Variants in TRIM47 observed in about 807,000 individuals in gnomAD.
TRIM47 encodes the protein E3 ubiquitin-protein ligase TRIM47.
Under a neutral mutation model 54.4 loss-of-function variants are expected in TRIM47, and 46 were observed. That is an observed-to-expected ratio of 0.84 (90% confidence interval 0.67 to 1.08). The LOEUF is 1.08. Ranked by LOEUF, TRIM47 falls within the 50% of genes least tolerant of loss-of-function variation. The pLI is 0.00. For synonymous variants in TRIM47, 392 were observed against 410.2 expected (o/e 0.96, Z 0.54); for missense variants, 825 against 910.1 (o/e 0.91, Z 1.20).
intron 1 of TRIM47, chr17:75,877,628 G>A: frequency 8.3e-7 from 1 of 1,205,404 alleles, no homozygotes; most frequent in Non-Finnish European, 1.0e-6. Context: ...ACCCCGGCCC[G>A]GCTTCAGGTC....
Position 75,874,304 on chromosome 17 carries a change from G to A in TRIM47, c.*179C>T. ...GAAGTGAGGTCTGCAGGGGAACAGG[G>A]TCTGGGGGTCCTCCTGCCTGGGAGA... On this transcript the variant is annotated 3_prime_UTR_variant, in exon 6 of 6. Coordinates refer to ENST00000254816, the MANE Select transcript of TRIM47 (RefSeq NM_033452.3). This position sits in a 1 kb window ranked among gnomAD's most constrained non-coding sequence, Gnocchi z 6.2. 1 of 518,360 alleles carries A rather than the reference G, an allele frequency of 1.9e-6. No individual in the cohort carries two copies. 32.1% of individuals were successfully genotyped at this position (518,360 alleles called of 1,614,324 possible).
rs893936860 is a variant in TRIM47 at position 75,875,576 on chromosome 17, C to T, written c.1202-102G>A. On this transcript the variant is annotated intron_variant, in intron 4 of 5. Coordinates refer to ENST00000254816, the MANE Select transcript of TRIM47 (RefSeq NM_033452.3). This position sits in a 1 kb window ranked among gnomAD's most constrained non-coding sequence, Gnocchi z 6.1. ...TTCACTTCCTCCCAGAGTCCAGAGC[C>T]ACCAGGGAGCAAGCACCACCCAGAT... The T allele has an allele frequency of 1.1e-5, 12 of 1,072,324 alleles. No homozygotes were observed. In the African/African-American group the frequency reaches 1.9e-4, roughly 17 times the overall value. 66.4% of individuals were successfully genotyped at this position (1,072,324 alleles called of 1,614,324 possible).
rs745996198 is a variant in TRIM47, at chr17:75,874,911, C to A, written c.1489G>T (p.Val497Phe). 3.7e-6 allele frequency: 6 copies of A among 1,614,134 alleles called. No homozygotes were observed. The highest frequency in any genetic ancestry group is 5.1e-6 in the Non-Finnish European group (6 of 1,180,000). Residue 497 changes from valine to phenylalanine, a missense_variant, in exon 6 of 6, where the codon GTC becomes TTC. Coordinates refer to ENST00000254816, the MANE Select transcript of TRIM47 (RefSeq NM_033452.3). The surrounding 1 kb of genome is among the most constrained non-coding windows in gnomAD (Gnocchi z 6.2). ...TGTGGGGAGAAGTCTTCGGCCATGA[C>A]CCCCATGCTGACCCAGCCCTCGATA... ...EIIEGWVSMG[V>F]MAEDFSPQEP...
chr17:75,874,765 C>A lies in TRIM47; in HGVS notation c.1635G>T (p.Ser545=). 1 of 1,613,950 alleles carries A rather than the reference C, an allele frequency of 6.2e-7. No individual in the cohort carries two copies. The highest frequency in any genetic ancestry group is 8.5e-7 in the Non-Finnish European group (1 of 1,179,994). Residue 545 remains serine, a synonymous_variant, in exon 6 of 6, where the codon TCG becomes TCT. Coordinates refer to ENST00000254816, the MANE Select transcript of TRIM47 (RefSeq NM_033452.3). The surrounding 1 kb of genome is among the most constrained non-coding windows in gnomAD (Gnocchi z 6.2). The part of the protein sequence containing the change: ...GLEAPLPHPF[S]PTVGVCLEYA... ...ATTCCAGGCAGACCCCAACCGTGGG[C>A]GAGAAGGGGTGGGGCAGGGGAGCCT...
Position 75,875,048 on chromosome 17 carries a change from C to T in TRIM47, c.1352G>A (p.Arg451Lys), listed in dbSNP as rs1475340309. 3.7e-6 allele frequency: 6 copies of T among 1,613,164 alleles called. No individual in the cohort carries two copies. Among genetic ancestry groups the T allele is most frequent in the Non-Finnish European group, 5.1e-6 (6 of 1,179,196 alleles). Reference sequence around the variant, plus strand: ...GGGGTAGTTGATAGGACACAGCACCCTCTTGACACCTTTGGTTCCAAACAG... The same window carrying T: ...GGGGTAGTTGATAGGACACAGCACCTTCTTGACACCTTTGGTTCCAAACAG... ...LQLFGTKGVK[R>K]VLCPINYPLS... The change falls in exon 6 of 6, where the codon AGG becomes AAG. Residue 451 changes from arginine (R) to lysine (K), a missense_variant. Arg to Lys is a conservative substitution (Grantham distance 26). Coordinates refer to ENST00000254816, the MANE Select transcript of TRIM47 (RefSeq NM_033452.3). This position sits in a 1 kb window ranked among gnomAD's most constrained non-coding sequence, Gnocchi z 6.1.
At position 75,878,058 on chromosome 17, in the gene TRIM47, GC is replaced by G; in HGVS notation, c.490del (p.Ala164ProfsTer14). 7.3e-7 allele frequency: 1 copy of G among 1,374,846 alleles called. No individual in the cohort carries two copies. The highest frequency in any genetic ancestry group is 9.4e-7 in the Non-Finnish European group (1 of 1,068,532). 85.2% of individuals were successfully genotyped at this position (1,374,846 alleles called of 1,614,324 possible). ...CGGCACCAGGCGGTGTCCGCGGAGG[GC>G]GGGGCTGCGCTCGTGCGGGCCCAGG... is the stretch of plus-strand genomic sequence containing the variant. ...AHLGPHERSPALRGHRLVPPL... is the reference protein window; with the variant it reads ...AHLGPHERSPXLRGHRLVPPL... On this transcript the variant is annotated frameshift_variant, in exon 1 of 6. Coordinates refer to ENST00000254816, the MANE Select transcript of TRIM47 (RefSeq NM_033452.3). LOFTEE classifies it high-confidence loss of function.
At position 75,877,953 on chromosome 17, in the gene TRIM47, C is replaced by T. The variant is rs2065145458; in HGVS notation, c.596G>A (p.Cys199Tyr). ...LERYCRAERVCLCEACAAQEH... is the reference protein window; with the variant it reads ...LERYCRAERVYLCEACAAQEH... ...CTGTGCGGCGCAGGCCTCGCACAGA[C>T]ACACGCGCTCCGCGCGGCAGTAGCG... The change falls in exon 1 of 6, where the codon TGT (cysteine) becomes TAT (tyrosine). Residue 199 changes from cysteine (C) to tyrosine (Y), a missense_variant. Transcript: ENST00000254816. The T allele has an allele frequency of 6.9e-7, 1 of 1,456,394 alleles. No homozygotes were observed. Among genetic ancestry groups the T allele is most frequent in the Non-Finnish European group, 9.0e-7 (1 of 1,107,980 alleles). 90.2% of individuals were successfully genotyped at this position (1,456,394 alleles called of 1,614,324 possible). A position where few individuals can be genotyped will look rare whatever the true frequency, so the allele number is the denominator to read the frequency against.
intron 2 of TRIM47, 75 bp from the exon 3 acceptor site, chr17:75,876,567 C>G (rs775938532): frequency 7.3e-6 from 11 of 1,504,592 alleles, no homozygotes; most frequent in Non-Finnish European, 8.9e-6. Flanking sequence ...CTTCCCTGAC[C>G]CCGGCTTCCC....
intron 2 of TRIM47, 89 bp downstream of exon 2, chr17:75,876,629 G>A (rs1223752122): frequency 6.5e-7 from 1 of 1,550,212 alleles, no homozygotes; most frequent in Non-Finnish European, 8.8e-7. Flanking sequence ...TCCTGGATCT[G>A]GGCCAGGTCA....
chr17:75,876,948 C>G, intron 1 of TRIM47, 135 bp from the exon 2 acceptor site: 2 of 791,668 alleles, frequency 2.5e-6, no homozygotes, highest in Non-Finnish European at 4.0e-6. Flanking sequence ...CTGGAGTGGC[C>G]ACGATGTCCC....
In TRIM47 at chr17:75,875,196, C is replaced by T; in HGVS notation, c.1277-73G>A. ...GAGGGCACGGCCCCTCCCCAAGTAC[C>T]CACCCCCCCAAAACACAGCCTCTCC... On this transcript the variant is annotated intron_variant, in intron 5 of 5. Coordinates refer to ENST00000254816, the MANE Select transcript of TRIM47 (RefSeq NM_033452.3). The surrounding 1 kb of genome is among the most constrained non-coding windows in gnomAD (Gnocchi z 6.1). 6.6e-7 allele frequency: 1 copy of T among 1,508,070 alleles called. No individual in the cohort carries two copies. Among genetic ancestry groups the T allele is most frequent in the Non-Finnish European group, 8.9e-7 (1 of 1,126,030 alleles). 93.4% of individuals were successfully genotyped at this position (1,508,070 alleles called of 1,614,324 possible).
Position 75,878,010 on chromosome 17 carries a change from C to G in TRIM47, c.539G>C (p.Ser180Thr), listed in dbSNP as rs989273747. ...LVPPLRRLEE[S>T]LCPRHLRPLE... ...CGGCCGTAGGTGGCGCGGGCACAGG[C>G]TCTCCTCTAGCCGGCGCAGCGGCGG... Residue 180 changes from serine to threonine, a missense_variant, in exon 1 of 6, where the codon AGC becomes ACC. By Grantham distance (58) the Ser-to-Thr change is moderately conservative. Transcript: ENST00000254816. The G allele has an allele frequency of 6.2e-6, 9 of 1,462,790 alleles. No individual in the cohort carries two copies. In the African/African-American group the frequency reaches 1.3e-4, roughly 22 times the overall value. The allele number at this position is 1,462,790 out of a possible 1,614,324, so 90.6% of individuals were successfully genotyped here.
chr17:75,876,711 G>C lies in TRIM47; in HGVS notation c.771+7C>G, dbSNP rs764786068. ...GATTGTTCCATGCTGAGGGAGGGGTGTTTGACCTTGATGAGGGCCACTGTG... is the reference window on the plus strand; with the variant it reads ...GATTGTTCCATGCTGAGGGAGGGGTCTTTGACCTTGATGAGGGCCACTGTG... On this transcript the variant is annotated splice_region_variant and intron_variant, in intron 2 of 5. Transcript: ENST00000254816. 1 of 1,614,056 alleles carries C rather than the reference G, an allele frequency of 6.2e-7. No homozygotes were observed. The highest frequency in any genetic ancestry group is 2.2e-5 in the East Asian group (1 of 44,884).
rs751141243 is a variant in TRIM47 at position 75,875,968 on chromosome 17, G to A, written c.1134C>T (p.Val378=). 1.2e-6 allele frequency: 2 copies of A among 1,609,804 alleles called. No individual in the cohort carries two copies. Among genetic ancestry groups the A allele is most frequent in the South Asian group, 1.1e-5 (1 of 91,090 alleles). ...GCCCCCTCAGCTGCTCCCACTGGTT[G>A]ACGCAGGCCACGGCCAGCATGTCTC... ...AVRDMLAVAC[V]NQWEQLRGPG... The change falls in exon 4 of 6, where the codon GTC becomes GTT. Residue 378 remains valine, a synonymous_variant. Transcript: ENST00000254816. This position sits in a 1 kb window ranked among gnomAD's most constrained non-coding sequence, Gnocchi z 6.1.
rs1433639714 is a variant in TRIM47, at chr17:75,877,922, G to A, written c.627C>T (p.His209=). Residue 209 remains histidine (H), a synonymous_variant, in exon 1 of 6, where the codon CAC becomes CAT. Transcript: ENST00000254816. ...CCAGCGGCACCAGCTCGTGGCCGCG[G>A]TGCTCCTGTGCGGCGCAGGCCTCGC... is the stretch of plus-strand genomic sequence containing the variant. The part of the protein sequence containing the change: ...CLCEACAAQE[H]RGHELVPLEQ... 2.8e-6 allele frequency: 4 copies of A among 1,435,312 alleles called. No individual in the cohort carries two copies. The highest frequency in any genetic ancestry group is 1.5e-5 in the African/African-American group (1 of 67,516). The allele number at this position is 1,435,312 out of a possible 1,614,324, so 88.9% of individuals were successfully genotyped here.
At position 75,875,235 on chromosome 17, in the gene TRIM47, C is replaced by A. The variant is rs958255659; in HGVS notation, c.1277-112G>T. 74 of 1,449,590 alleles carry A rather than the reference C, an allele frequency of 5.1e-5. No individual in the cohort carries two copies. The highest frequency in any genetic ancestry group is 5.9e-5 in the Non-Finnish European group (64 of 1,076,950). 89.8% of individuals were successfully genotyped at this position (1,449,590 alleles called of 1,614,324 possible). A position where few individuals can be genotyped will look rare whatever the true frequency, so the allele number is the denominator to read the frequency against. On this transcript the variant is annotated intron_variant, in intron 5 of 5. Coordinates refer to ENST00000254816, the MANE Select transcript of TRIM47 (RefSeq NM_033452.3). The surrounding 1 kb of genome is among the most constrained non-coding windows in gnomAD (Gnocchi z 6.1). ...CACAGCCTCTCCCCTGCTTTCCAAC[C>A]GGCACAACCCAGCCCCGCCGGGGAC... is the stretch of plus-strand genomic sequence containing the variant.
At chr17:75,877,815 C>T (rs972015950) in intron 1 of TRIM47, 59 bp downstream of exon 1, 3 of 1,286,138 alleles carry the variant, frequency 2.3e-6, no homozygotes, top group Admixed American at 4.2e-5. Flanking sequence ...GGTCCTCGGC[C>T]CGCTCGCGCG....
At chr17:75,877,601 C>A (rs903401062) in intron 1 of TRIM47, 3 of 1,109,330 alleles carry the variant, frequency 2.7e-6, no homozygotes, top group Non-Finnish European at 1.1e-6. Context: ...GGCTCCCTCC[C>A]GCCTACACCC....
At position 75,878,316 on chromosome 17, in the gene TRIM47, T is replaced by C; in HGVS notation, c.233A>G (p.Gln78Arg). ...RKNHTLSELL[Q>R]LRQGSGPGSG... ...CCCGGGGCCCGAGCCCTGGCGGAGC[T>C]GCAGCAGCTCGGACAGCGTGTGGTT... The change falls in exon 1 of 6, where the codon CAG becomes CGG. Residue 78 changes from glutamine to arginine, a missense_variant. Transcript: ENST00000254816. 7.8e-7 allele frequency: 1 copy of C among 1,285,904 alleles called. No homozygotes were observed. The highest frequency in any genetic ancestry group is 9.9e-7 in the Non-Finnish European group (1 of 1,013,964). The allele number at this position is 1,285,904 out of a possible 1,614,324, so 79.7% of individuals were successfully genotyped here.
Sources: allele counts gnomAD v4.1 joint callset, GRCh38; gene constraint gnomAD v4.1.1; non-coding constraint Gnocchi (gnomAD v3.1); transcripts MANE v1.5; gene names NCBI Gene and HGNC (gene_info 2026-07-23, HGNC 2026-07-21).